The following EXOC4 variants were observed in gnomAD, a reference collection of about 807,000 sequenced individuals.
EXOC4 encodes exocyst complex component 4.
Under a neutral mutation model 107.2 loss-of-function variants are expected in EXOC4, and 71 were observed. The ratio of observed to expected loss-of-function variants is 0.66; its 90% CI spans 0.55 to 0.81. The LOEUF (loss-of-function observed/expected upper bound fraction) is 0.81. EXOC4 is among the 30% of genes least tolerant of loss of function. The pLI is 0.00. For missense variants in EXOC4, 1,108 were observed against 1,189.6 expected (o/e 0.93, Z 1.01); for synonymous variants, 456 against 441.2 (o/e 1.03, Z -0.42).
chr7:133,616,566 A>G (rs145591059), intron 9 of EXOC4, among the ~76,000 whole-genome samples: 2 of 152,148 alleles, frequency 1.3e-5, no homozygotes, highest in Non-Finnish European at 2.9e-5. Context: ...CAGACCTGTC[A>G]TGAATTTTGC....
intron 14 of EXOC4, among the ~76,000 whole-genome samples, chr7:133,950,753 T>C (rs974692782): frequency 6.6e-6 from 1 of 152,218 alleles, no homozygotes; most frequent in Non-Finnish European, 1.5e-5. Flanking sequence ...TCAGTCTTCA[T>C]ACATTAATAA....
At chr7:133,408,927 A>G (rs1038737894) in intron 7 of EXOC4, among the ~76,000 whole-genome samples, 3 of 152,214 alleles carry the variant, frequency 2.0e-5, no homozygotes, top group African/African-American at 7.2e-5. Context: ...ATTTATTTAT[A>G]AGACCAAAAG....
chr7:133,653,456 T>C (rs1803211309), intron 10 of EXOC4, among the ~76,000 whole-genome samples: 1 of 152,246 alleles, frequency 6.6e-6, no homozygotes, highest in Admixed American at 6.5e-5. Flanking sequence ...CTCTTTACTA[T>C]TTTTGCACTA....
chr7:133,757,349 A>T (rs932093178), intron 10 of EXOC4, among the ~76,000 whole-genome samples: 7 of 152,234 alleles, frequency 4.6e-5, no homozygotes, highest in Non-Finnish European at 8.8e-5. Flanking sequence ...AATATGAAGC[A>T]TCTTACTTTT....
intron 10 of EXOC4, among the ~76,000 whole-genome samples, chr7:133,673,995 T>A (rs1236064103): frequency 7.2e-5 from 11 of 152,172 alleles, no homozygotes; most frequent in Non-Finnish European, 1.3e-4. Flanking sequence ...TGGTGCCCTA[T>A]TCTTAAGACC....
intron 10 of EXOC4, among the ~76,000 whole-genome samples, chr7:133,704,791 G>C (rs1794733200): frequency 6.6e-6 from 1 of 152,310 alleles, no homozygotes; most frequent in Middle Eastern, 3.4e-3. Flanking sequence ...AAGTTGAACT[G>C]TGACTTGTCA....
chr7:133,403,199 T>A (rs1797133369), intron 7 of EXOC4, among the ~76,000 whole-genome samples: 1 of 152,172 alleles, frequency 6.6e-6, no homozygotes, highest in Admixed American at 6.6e-5. Context: ...TCCTAATATT[T>A]CTTAGAAGGA....
Position 133,855,114 on chromosome 7 carries a change from A to AATATATATAAAT in EXOC4, c.1734+37579_1734+37580insAATATATATATA, listed in dbSNP as rs1563028522. Among the ~76,000 whole-genome samples the AATATATATAAAT allele has an allele frequency of 2.7e-4, 25 of 91,496 alleles. 1 individual carries two copies. The highest frequency in any genetic ancestry group is 1.2e-3 in the African/African-American group (23 of 18,468). The allele number at this position is 91,496 out of a possible 152,430, so 60.0% of individuals were successfully genotyped here. A position where few individuals can be genotyped will look rare whatever the true frequency, so the allele number is the denominator to read the frequency against. On this transcript the variant is annotated intron_variant, in intron 11 of 17. Coordinates refer to ENST00000253861, the MANE Select transcript of EXOC4 (RefSeq NM_021807.4). ...ATAAATATATATATAAATATATATA[A>AATATATATAAAT]ATATATATATATAAATATATATATA...
intron 9 of EXOC4, among the ~76,000 whole-genome samples, chr7:133,564,745 A>G (rs1800874370): frequency 6.6e-6 from 1 of 152,114 alleles, no homozygotes; most frequent in African/African-American, 2.4e-5. Flanking sequence ...AAGATTTGTA[A>G]TGTATGAAGC....
At chr7:133,628,331 T>G (rs1156544376) in intron 9 of EXOC4, among the ~76,000 whole-genome samples, 1 of 152,204 alleles carries the variant, frequency 6.6e-6, no homozygotes, top group East Asian at 1.9e-4. Flanking sequence ...AGAAAAGATG[T>G]TGGCCCACTT....
At chr7:133,709,429 T>G (rs1264979649) in intron 10 of EXOC4, among the ~76,000 whole-genome samples, 2 of 152,108 alleles carry the variant, frequency 1.3e-5, no homozygotes, top group Non-Finnish European at 2.9e-5. Context: ...CAGGTGAGAG[T>G]TGCTACCTGC....
intron 7 of EXOC4, among the ~76,000 whole-genome samples, chr7:133,473,914 A>T (rs1798945195): frequency 1.3e-5 from 2 of 151,924 alleles, no homozygotes; most frequent in Non-Finnish European, 2.9e-5. Flanking sequence ...GTTAGCCAGG[A>T]TGCTCTCGAT....
chr7:133,359,152 A>G (rs1248910067), intron 6 of EXOC4, among the ~76,000 whole-genome samples: 1 of 152,206 alleles, frequency 6.6e-6, no homozygotes, highest in Non-Finnish European at 1.5e-5. Flanking sequence ...TAGAAGATCA[A>G]AGATTAAATT....
At position 133,310,284 on chromosome 7, in the gene EXOC4, GCTGAACC is replaced by G. The variant is rs1347667527; in HGVS notation, c.656+4229_656+4235del. ...GTAGGTACCTGAAACTGCAGATAGT[GCTGAACC>G]CTGAATCTACCTGCACAGTAAATCC... On this transcript the variant is annotated intron_variant, in intron 4 of 17. Coordinates refer to ENST00000253861, the MANE Select transcript of EXOC4 (RefSeq NM_021807.4). Among the ~76,000 whole-genome samples the G allele has an allele frequency of 1.2e-4, 18 of 152,138 alleles. 1 individual carries two copies. The highest frequency in any genetic ancestry group is 4.3e-4 in the African/African-American group (18 of 41,444).
At chr7:133,516,306 T>A (rs1005837956) in intron 9 of EXOC4, among the ~76,000 whole-genome samples, 3 of 152,174 alleles carry the variant, frequency 2.0e-5, no homozygotes, top group Non-Finnish European at 2.9e-5. Context: ...TTAAGGACAT[T>A]TTCGTCATCC....
intron 17 of EXOC4, among the ~76,000 whole-genome samples, chr7:134,047,355 C>T (rs1795680317): frequency 6.6e-6 from 1 of 151,994 alleles, no homozygotes; most frequent in South Asian, 2.1e-4. Flanking sequence ...AGGAGAGCCA[C>T]ATTGTGGAGC....
At chr7:133,776,924 C>T (rs537876135) in intron 10 of EXOC4, among the ~76,000 whole-genome samples, 8 of 152,048 alleles carry the variant, frequency 5.3e-5, no homozygotes, top group South Asian at 4.2e-4. Context: ...ATTAAAAATA[C>T]GAAACAAAGC....
intron 3 of EXOC4, among the ~76,000 whole-genome samples, chr7:133,297,602 A>G (rs1229576102): frequency 6.6e-6 from 1 of 152,190 alleles, no homozygotes; most frequent in Non-Finnish European, 1.5e-5. Flanking sequence ...ACAGATACTT[A>G]CCTGTCTACT....
At chr7:133,434,522 A>G (rs1333975923) in intron 7 of EXOC4, among the ~76,000 whole-genome samples, 1 of 152,084 alleles carries the variant, frequency 6.6e-6, no homozygotes, top group African/African-American at 2.4e-5. Context: ...CCTCCAAGTC[A>G]TTTTGCAAAC....
Sources: allele counts gnomAD v4.1 joint callset (sites outside exome capture counted in the v4.1 genomes callset), GRCh38; gene constraint gnomAD v4.1.1; transcripts MANE v1.5; gene names NCBI Gene and HGNC (gene_info 2026-07-23, HGNC 2026-07-21).